The following CADM2 variants were observed in gnomAD, a reference collection of about 807,000 sequenced individuals.
The protein encoded by CADM2 is cell adhesion molecule 2, also known as immunoglobulin superfamily member 4D.
In CADM2, 12 loss-of-function variants were observed where a neutral mutation model predicts 49.8. That is an observed-to-expected ratio of 0.24 (90% CI 0.15 to 0.39). The LOEUF (loss-of-function observed/expected upper bound fraction) is 0.39. Among genes scored for constraint, CADM2 ranks in the 10% least tolerant of loss-of-function variants. The pLI is 1.00. For synonymous variants in CADM2, 214 were observed against 175.4 expected, an observed-to-expected ratio of 1.22 and a Z score of -1.74; for missense variants, 378 against 492.3, an observed-to-expected ratio of 0.77 and a Z score of 2.20.
chr3:85,656,046 T>C (rs1445028850), intron 1 of CADM2, among the ~76,000 whole-genome samples: 3 of 152,074 alleles, frequency 2.0e-5, no homozygotes, highest in Non-Finnish European at 4.4e-5. Flanking sequence ...TGTCACATCT[T>C]AGAGCATTGA....
At chr3:85,869,311 A>T (rs1414825652) in intron 3 of CADM2, among the ~76,000 whole-genome samples, 3 of 152,110 alleles carry the variant, frequency 2.0e-5, no homozygotes, top group Non-Finnish European at 4.4e-5. Flanking sequence ...TTAAATATGG[A>T]ATAAAACTTT....
Position 85,568,397 on chromosome 3 carries a change from CTCTTTCTT to C in CADM2, c.62-158065_62-158058del, listed in dbSNP as rs71108298. ...GTTACCTACAATCTTTCCTTCCTCC[CTCTTTCTT>C]TCTTTCTTTCTTTCTTTCTTTCTTT... On this transcript the variant is annotated intron_variant, in intron 1 of 9. Coordinates refer to ENST00000383699, the MANE Select transcript of CADM2 (RefSeq NM_001167675.2). Among the ~76,000 whole-genome samples, 360 of 52,020 alleles carry C rather than the reference CTCTTTCTT, an allele frequency of 6.9e-3. 35 individuals carry two copies. Among genetic ancestry groups the C allele is most frequent in the Middle Eastern group, 0.013 (1 of 76 alleles). 34.1% of individuals were successfully genotyped at this position (52,020 alleles called of 152,430 possible).
At chr3:86,000,461 T>C (rs535104101) in intron 8 of CADM2, among the ~76,000 whole-genome samples, 6 of 152,236 alleles carry the variant, frequency 3.9e-5, no homozygotes, top group African/African-American at 1.4e-4. Context: ...ATATAGTCAA[T>C]GTTTTTATAG....
intron 1 of CADM2, among the ~76,000 whole-genome samples, chr3:85,643,903 C>T (rs1472293783): frequency 6.6e-6 from 1 of 152,052 alleles, no homozygotes; most frequent in Non-Finnish European, 1.5e-5. Context: ...TTTTAGGCTC[C>T]ATTTCTAAAT....
chr3:85,017,201 T>C (rs992820251), intron 1 of CADM2, among the ~76,000 whole-genome samples: 12 of 152,176 alleles, frequency 7.9e-5, no homozygotes, highest in Admixed American at 2.0e-4. Context: ...AGTGTATAGC[T>C]TTAAAGATGA....
At chr3:85,320,719 A>G (rs1334528206) in intron 1 of CADM2, among the ~76,000 whole-genome samples, 1 of 152,118 alleles carries the variant, frequency 6.6e-6, no homozygotes, top group Non-Finnish European at 1.5e-5. Flanking sequence ...TTAGTAATGT[A>G]GCTTGGTCTA....
At chr3:85,458,544 G>A (rs923986627) in intron 1 of CADM2, among the ~76,000 whole-genome samples, 9 of 152,116 alleles carry the variant, frequency 5.9e-5, no homozygotes, top group African/African-American at 1.2e-4. Context: ...GCATCTTGCC[G>A]TTCTTTTCCA....
rs554061927 is a variant in CADM2, at chr3:85,513,417, T to C, written c.62-213105T>C. ...TCATTTATAATAGTTTGATAGTAAATAATAATTTACTTTTTTTTGATGATT... is the reference window on the plus strand; with the variant it reads ...TCATTTATAATAGTTTGATAGTAAACAATAATTTACTTTTTTTTGATGATT... On this transcript the variant is annotated intron_variant, in intron 1 of 9. Coordinates refer to ENST00000383699, the MANE Select transcript of CADM2 (RefSeq NM_001167675.2). 4.9e-4 allele frequency among the ~76,000 whole-genome samples: 75 copies of C among 152,092 alleles called. 1 individual carries two copies. The highest frequency in any genetic ancestry group is 1.0e-3 in the South Asian group (5 of 4,820).
intron 1 of CADM2, among the ~76,000 whole-genome samples, chr3:85,466,451 T>C (rs1233828727): frequency 6.6e-6 from 1 of 152,190 alleles, no homozygotes; most frequent in Non-Finnish European, 1.5e-5. Flanking sequence ...AGACACACGC[T>C]AAAAACGCTT....
At chr3:85,003,090 CT>C (rs1229973491) in intron 1 of CADM2, among the ~76,000 whole-genome samples, 1 of 152,158 alleles carries the variant, frequency 6.6e-6, no homozygotes, top group East Asian at 1.9e-4. Context: ...GCTACCTCAC[CT>C]GGCCGTATCC....
chr3:85,835,003 CAT>C (rs2074344573), intron 3 of CADM2, among the ~76,000 whole-genome samples: 1 of 151,614 alleles, frequency 6.6e-6, no homozygotes. Context: ...CTTGCACACG[CAT>C]GTGTGTGTGA....
chr3:85,830,481 C>T (rs1470444833), intron 3 of CADM2, among the ~76,000 whole-genome samples: 2 of 151,932 alleles, frequency 1.3e-5, no homozygotes, highest in African/African-American at 4.8e-5. Flanking sequence ...AGTTGCCTTT[C>T]ATTTTATTGA....
chr3:85,475,960 T>G (rs1576622860), intron 1 of CADM2, among the ~76,000 whole-genome samples: 1 of 151,866 alleles, frequency 6.6e-6, no homozygotes, highest in Admixed American at 6.6e-5. Context: ...ACACAAGTAC[T>G]TAAAAAGAAA....
At chr3:85,899,939 G>T (rs1715876351) in intron 5 of CADM2, among the ~76,000 whole-genome samples, 1 of 151,998 alleles carries the variant, frequency 6.6e-6, no homozygotes, top group South Asian at 2.1e-4. Flanking sequence ...TCCACTCTTT[G>T]TCCATCTCTC....
chr3:85,810,635 G>A (rs1300498275), intron 3 of CADM2, among the ~76,000 whole-genome samples: 1 of 146,236 alleles, frequency 6.8e-6, no homozygotes, highest in Non-Finnish European at 1.5e-5. Flanking sequence ...TGCTTCCCAG[G>A]TTCAGGTGAT....
At chr3:86,015,052 C>G in intron 8 of CADM2, 1 of 797,822 alleles carries the variant, frequency 1.3e-6, no homozygotes, top group Non-Finnish European at 2.2e-6. Flanking sequence ...ATGGCGGACA[C>G]ACACGTTAAA....
At chr3:85,825,543 A>G (rs1215777701) in intron 3 of CADM2, among the ~76,000 whole-genome samples, 1 of 152,084 alleles carries the variant, frequency 6.6e-6, no homozygotes, top group Non-Finnish European at 1.5e-5. Flanking sequence ...CATAAGGATC[A>G]GTTGCTCAAG....
At position 85,726,502 on chromosome 3, in the gene CADM2, CAACCT is replaced by C; in HGVS notation, c.62-19_62-15del. 3 of 1,611,898 alleles carry C rather than the reference CAACCT, an allele frequency of 1.9e-6. No individual in the cohort carries two copies. The highest frequency in any genetic ancestry group is 1.7e-6 in the Non-Finnish European group (2 of 1,178,608). On this transcript the variant is annotated splice_polypyrimidine_tract_variant and intron_variant, in intron 1 of 9. Transcript: ENST00000383699. ...CTAATATGTTTGTTCTCTTCTTGTG[CAACCT>C]TTCCTTGGTACCAGCGGCTGCTTCA...
intron 1 of CADM2, among the ~76,000 whole-genome samples, chr3:85,392,941 T>C (rs573831203): frequency 2.6e-5 from 4 of 152,228 alleles, no homozygotes; most frequent in South Asian, 2.1e-4. Context: ...AAAACACATC[T>C]GAACAATGAT....
Sources: allele counts gnomAD v4.1 joint callset (sites outside exome capture counted in the v4.1 genomes callset), GRCh38; gene constraint gnomAD v4.1.1; transcripts MANE v1.5; gene names NCBI Gene and HGNC (gene_info 2026-07-23, HGNC 2026-07-21).